The following FAT3 variants were observed in gnomAD, a reference collection of about 807,000 sequenced individuals.
FAT3 encodes the protein protocadherin Fat 3.
In FAT3, 95 loss-of-function variants were observed where a neutral mutation model predicts 310.2. That is an observed-to-expected ratio of 0.31 (90% CI 0.26 to 0.36). The LOEUF is 0.36. Among genes scored for constraint, FAT3 ranks in the 10% least tolerant of loss-of-function variants. The pLI, the probability that FAT3 is intolerant of heterozygous loss-of-function variation, is 1.00. For synonymous variants in FAT3, 2,314 were observed against 2,192.9 expected (o/e 1.06, Z -1.54); for missense variants, 5,408 against 5,715.6 (o/e 0.95, Z 1.74).
At chr11:92,280,514 G>T (rs1227334649) in intron 1 of FAT3, among the ~76,000 whole-genome samples, 1 of 152,010 alleles carries the variant, frequency 6.6e-6, no homozygotes, top group Non-Finnish European at 1.5e-5. Context: ...TTTTTTCTTT[G>T]CTCCTGGATC....
At chr11:92,310,766 G>C (rs1289822171) in intron 1 of FAT3, among the ~76,000 whole-genome samples, 1 of 151,642 alleles carries the variant, frequency 6.6e-6, no homozygotes. Context: ...AAGTTTCCAC[G>C]ACAATATTTA....
At chr11:92,392,053 A>C (rs1275237953) in intron 2 of FAT3, among the ~76,000 whole-genome samples, 1 of 151,988 alleles carries the variant, frequency 6.6e-6, no homozygotes, top group South Asian at 2.1e-4. Context: ...AGCAGCTATG[A>C]TTTCTCCCAT....
rs190093059 is a variant in FAT3, at chr11:92,409,418, C to T, written c.3292+54014C>T. On this transcript the variant is annotated intron_variant, in intron 2 of 27. Coordinates refer to ENST00000525166, the MANE Select transcript of FAT3 (RefSeq NM_001367949.2). The stretch of plus-strand genomic sequence containing the variant: ...GCATTTCAATACATTTGTAAATTTT[C>T]GTTAAATACGCTGCTTGTGCCCTGT... Among the ~76,000 whole-genome samples the T allele has an allele frequency of 5.3e-5, 8 of 152,238 alleles. No homozygotes were observed. In the East Asian group the frequency reaches 7.7e-4, roughly 15 times the overall value.
intron 2 of FAT3, among the ~76,000 whole-genome samples, chr11:92,398,940 A>G (rs183207819): frequency 6.6e-6 from 1 of 152,316 alleles, no homozygotes; most frequent in Non-Finnish European, 1.5e-5. Flanking sequence ...GATTGTAGTG[A>G]GAATGAAGGA....
rs1400993511 is a variant in FAT3, at chr11:92,883,599, G to A, written c.12937+206G>A. On this transcript the variant is annotated intron_variant, in intron 24 of 27. Coordinates refer to ENST00000525166, the MANE Select transcript of FAT3 (RefSeq NM_001367949.2). This position sits in a 1 kb window ranked among gnomAD's most constrained non-coding sequence, Gnocchi z 4.2. ...AGATGGGAGAAATGAAGCTCAGAGA[G>A]GGTAACATCATGAGCCCAAGGTGAG... Among the ~76,000 whole-genome samples, 1 of 152,184 alleles carries A rather than the reference G, an allele frequency of 6.6e-6. No homozygotes were observed. Among genetic ancestry groups the A allele is most frequent in the African/African-American group, 2.4e-5 (1 of 41,452 alleles).
At chr11:92,528,450 G>A (rs551158586) in intron 3 of FAT3, among the ~76,000 whole-genome samples, 1 of 152,280 alleles carries the variant, frequency 6.6e-6, no homozygotes, top group South Asian at 2.1e-4. Context: ...GCATTGGCAC[G>A]ATCTCGGCTC....
chr11:92,440,690 TG>T (rs1951046853), intron 2 of FAT3, among the ~76,000 whole-genome samples: 1 of 152,198 alleles, frequency 6.6e-6, no homozygotes, highest in African/African-American at 2.4e-5. Flanking sequence ...TGAAGTGTTT[TG>T]GGAGGCGGTG....
chr11:92,368,847 T>C (rs530482990), intron 2 of FAT3, among the ~76,000 whole-genome samples: 15 of 133,574 alleles, frequency 1.1e-4, no homozygotes, highest in South Asian at 6.7e-4. Context: ...TATATATATA[T>C]ACACACATAC....
intron 3 of FAT3, among the ~76,000 whole-genome samples, chr11:92,665,688 A>G (rs980962429): frequency 1.3e-5 from 2 of 152,292 alleles, no homozygotes; most frequent in African/African-American, 2.4e-5. Context: ...TGGGAGGAAA[A>G]TGGTCTATTT....
intron 19 of FAT3, 42 bp downstream of exon 19, chr11:92,844,774 G>A: frequency 6.9e-7 from 1 of 1,453,446 alleles, no homozygotes; most frequent in South Asian, 1.4e-5. Flanking sequence ...TCCTGAGATT[G>A]TAGGAGTAGA....
intron 2 of FAT3, among the ~76,000 whole-genome samples, chr11:92,425,247 A>G (rs1172425072): frequency 6.6e-6 from 1 of 151,758 alleles, no homozygotes; most frequent in Non-Finnish European, 1.5e-5. Context: ...GAATTCTAGG[A>G]TTATAGCATT....
chr11:92,703,544 T>G (rs748034440), intron 4 of FAT3, among the ~76,000 whole-genome samples: 4 of 152,222 alleles, frequency 2.6e-5, no homozygotes, highest in Non-Finnish European at 4.4e-5. Flanking sequence ...ACACCTTCTG[T>G]GCTCCAGAGC....
At chr11:92,633,385 G>A (rs567242835) in intron 3 of FAT3, among the ~76,000 whole-genome samples, 2 of 152,114 alleles carry the variant, frequency 1.3e-5, no homozygotes, top group Non-Finnish European at 2.9e-5. Context: ...TCAGCCAAAT[G>A]TGTTGTCAGA....
chr11:92,306,952 G>A lies in FAT3; in HGVS notation c.-17-45144G>A, dbSNP rs778349545. Among the ~76,000 whole-genome samples, 79 of 149,202 alleles carry A rather than the reference G, an allele frequency of 5.3e-4. No homozygotes were observed. The Middle Eastern group carries it at 0.01, about 19-fold the overall frequency. On this transcript the variant is annotated intron_variant, in intron 1 of 27. Transcript: ENST00000525166. ...ACTACAGACCTGTGCCACCATGTCC[G>A]GCTATTTTTTTTTTAATTTTATTTG... is the stretch of plus-strand genomic sequence containing the variant.
intron 3 of FAT3, among the ~76,000 whole-genome samples, chr11:92,636,205 C>T (rs1017935628): frequency 1.3e-5 from 2 of 152,172 alleles, no homozygotes; most frequent in Non-Finnish European, 2.9e-5. Flanking sequence ...TCAAGTGATG[C>T]ACCCACTCTG....
At chr11:92,705,208 A>T (rs1944233472) in intron 4 of FAT3, among the ~76,000 whole-genome samples, 1 of 152,148 alleles carries the variant, frequency 6.6e-6, no homozygotes, top group Non-Finnish European at 1.5e-5. Flanking sequence ...AATTCATGTC[A>T]TTCTTAAATA....
chr11:92,418,433 C>A lies in FAT3; in HGVS notation c.3292+63029C>A, dbSNP rs1438952294. ...AAAAGTTAAACACCCCCCCCACCCC[C>A]CCACACACACACAGAGAAAACAAAG... On this transcript the variant is annotated intron_variant, in intron 2 of 27. Transcript: ENST00000525166. Among the ~76,000 whole-genome samples the A allele has an allele frequency of 1.6e-3, 166 of 106,766 alleles. 3 individuals are homozygous for A. The highest frequency in any genetic ancestry group is 5.4e-3 in the African/African-American group (155 of 28,458). The allele number at this position is 106,766 out of a possible 152,430, so 70.0% of individuals were successfully genotyped here.
At chr11:92,624,062 A>G (rs1213263067) in intron 3 of FAT3, among the ~76,000 whole-genome samples, 1 of 152,198 alleles carries the variant, frequency 6.6e-6, no homozygotes, top group African/African-American at 2.4e-5. Flanking sequence ...ACAAAATATG[A>G]CCTCTGCTCC....
At chr11:92,726,971 A>C (rs917098283) in intron 4 of FAT3, among the ~76,000 whole-genome samples, 1 of 152,150 alleles carries the variant, frequency 6.6e-6, no homozygotes, top group African/African-American at 2.4e-5. Context: ...CTTAAATCTC[A>C]ATAAAATGAA....
Sources: allele counts gnomAD v4.1 joint callset (sites outside exome capture counted in the v4.1 genomes callset), GRCh38; gene constraint gnomAD v4.1.1; non-coding constraint Gnocchi (gnomAD v3.1); transcripts MANE v1.5; gene names NCBI Gene and HGNC (gene_info 2026-07-23, HGNC 2026-07-21).